The following RBFOX1 variants were observed in gnomAD, a reference collection of about 807,000 sequenced individuals.
RBFOX1 encodes RNA binding protein fox-1 homolog 1.
A neutral mutation model predicts 57.7 loss-of-function variants in RBFOX1; 8 were observed. That is an observed-to-expected ratio of 0.14 (90% CI 0.08 to 0.25). RBFOX1 has a LOEUF of 0.25. Ranked by LOEUF, RBFOX1 falls within the 10% of genes least tolerant of loss-of-function variation. RBFOX1 has a pLI of 1.00. For missense variants in RBFOX1, 611 were observed against 548.5 expected (o/e 1.11, Z -1.14); for synonymous variants, 326 against 222.4 (o/e 1.47, Z -4.15).
intron 3 of RBFOX1, among the ~76,000 whole-genome samples, chr16:6,723,162 A>G (rs2066385097): frequency 6.6e-6 from 1 of 152,182 alleles, no homozygotes; most frequent in Non-Finnish European, 1.5e-5. Context: ...AGTAGCTAAT[A>G]TTTAGGAAGG....
chr16:5,946,661 G>A lies in RBFOX1; in HGVS notation c.351+79326G>A, dbSNP rs2059406057. Reference sequence around the variant, plus strand: ...TAGGCAACTATTGAACCAGAGAAGGGGGTTATGAGAATCTCTGATTTATAA... The same window carrying A: ...TAGGCAACTATTGAACCAGAGAAGGAGGTTATGAGAATCTCTGATTTATAA... On this transcript the variant is annotated intron_variant, in intron 4 of 19. Coordinates refer to the RBFOX1 transcript ENST00000641259. This position sits in a 1 kb window ranked among gnomAD's most constrained non-coding sequence, Gnocchi z 4.6. Among the ~76,000 whole-genome samples, 1 of 152,160 alleles carries A rather than the reference G, an allele frequency of 6.6e-6. No homozygotes were observed. Among genetic ancestry groups the A allele is most frequent in the Non-Finnish European group, 1.5e-5 (1 of 68,038 alleles).
chr16:5,817,877 A>C (rs1487899145), intron 3 of RBFOX1, among the ~76,000 whole-genome samples: 3 of 151,824 alleles, frequency 2.0e-5, no homozygotes, highest in Non-Finnish European at 4.4e-5. Context: ...TTTTTAGTAG[A>C]GTTGGGGATT....
intron 2 of RBFOX1, among the ~76,000 whole-genome samples, chr16:6,515,893 A>G (rs1567520579): frequency 6.6e-6 from 1 of 152,176 alleles, no homozygotes; most frequent in African/African-American, 2.4e-5. Context: ...TCAGCTTTGC[A>G]TAATTTTCCT....
At chr16:7,281,892 ACT>A in intron 4 of RBFOX1, among the ~76,000 whole-genome samples, 1 of 151,864 alleles carries the variant, frequency 6.6e-6, no homozygotes, top group Admixed American at 6.6e-5. Context: ...AAAAGGTCTT[ACT>A]CTGTCACCCA....
At chr16:6,871,796 C>G (rs1309315726) in intron 3 of RBFOX1, among the ~76,000 whole-genome samples, 2 of 152,114 alleles carry the variant, frequency 1.3e-5, no homozygotes, top group African/African-American at 4.8e-5. Context: ...AGGATCAAGT[C>G]TGGAAATGTT....
intron 3 of RBFOX1, among the ~76,000 whole-genome samples, chr16:6,772,948 A>G (rs545398498): frequency 5.4e-5 from 5 of 92,742 alleles, no homozygotes; most frequent in East Asian, 7.6e-4. Context: ...GTGTGTATCT[A>G]TATATTTGGG....
intron 11 of RBFOX1, among the ~76,000 whole-genome samples, chr16:7,641,730 G>A (rs1306028819): frequency 6.6e-6 from 1 of 152,192 alleles, no homozygotes; most frequent in East Asian, 1.9e-4. Context: ...GTGACTTAGT[G>A]AAAAGAGCTG....
At chr16:6,667,840 A>C (rs1322578502) in intron 3 of RBFOX1, among the ~76,000 whole-genome samples, 1 of 152,026 alleles carries the variant, frequency 6.6e-6, no homozygotes, top group Non-Finnish European at 1.5e-5. Context: ...AGTGACCTAT[A>C]GTCGTACCAC....
intron 2 of RBFOX1, among the ~76,000 whole-genome samples, chr16:5,492,254 A>G (rs1340713622): frequency 1.3e-5 from 2 of 152,194 alleles, no homozygotes; most frequent in African/African-American, 4.8e-5. Flanking sequence ...GAGGAAACCC[A>G]CAGGTCACAG....
chr16:6,439,031 A>T (rs980118495), intron 2 of RBFOX1, among the ~76,000 whole-genome samples: 1 of 152,074 alleles, frequency 6.6e-6, no homozygotes, highest in African/African-American at 2.4e-5. Context: ...GGTGTGAGAG[A>T]TGTCCTGGAA....
chr16:6,348,941 C>T (rs979119370), intron 2 of RBFOX1, among the ~76,000 whole-genome samples: 1 of 152,136 alleles, frequency 6.6e-6, no homozygotes, highest in Non-Finnish European at 1.5e-5. Context: ...TAGAGATGGA[C>T]AGAGGCAGAT....
intron 4 of RBFOX1, among the ~76,000 whole-genome samples, chr16:5,877,891 G>A (rs979044044): frequency 6.6e-6 from 1 of 152,188 alleles, no homozygotes; most frequent in African/African-American, 2.4e-5. Flanking sequence ...CACTCTGGTG[G>A]GCGTGTCTTA....
chr16:6,378,208 C>T (rs1307553716), intron 2 of RBFOX1, among the ~76,000 whole-genome samples: 19 of 152,216 alleles, frequency 1.2e-4, no homozygotes, highest in Non-Finnish European at 2.4e-4. Flanking sequence ...CGCCTCAGCT[C>T]CCTGCAGCCT....
intron 1 of RBFOX1, among the ~76,000 whole-genome samples, chr16:6,065,779 G>A (rs1376055947): frequency 1.3e-5 from 2 of 152,098 alleles, no homozygotes; most frequent in Non-Finnish European, 2.9e-5. Context: ...CAGCCTCATG[G>A]GATGAATATC....
At chr16:6,672,298 A>C (rs941628790) in intron 3 of RBFOX1, among the ~76,000 whole-genome samples, 1 of 152,100 alleles carries the variant, frequency 6.6e-6, no homozygotes, top group East Asian at 1.9e-4. Context: ...TATACATCCA[A>C]TATAAAATAA....
At chr16:5,933,326 T>G (rs2059105094) in intron 4 of RBFOX1, among the ~76,000 whole-genome samples, 2 of 152,200 alleles carry the variant, frequency 1.3e-5, no homozygotes, top group Non-Finnish European at 2.9e-5. Flanking sequence ...TAAATGCAAT[T>G]CCTGTTTGGT....
At chr16:5,892,270 A>G (rs529091696) in intron 4 of RBFOX1, among the ~76,000 whole-genome samples, 24 of 152,156 alleles carry the variant, frequency 1.6e-4, no homozygotes, top group Admixed American at 1.4e-3. Flanking sequence ...TTGAGGGGAG[A>G]CCAAGCCTGA....
intron 4 of RBFOX1, among the ~76,000 whole-genome samples, chr16:7,364,982 A>G (rs1263423980): frequency 6.6e-6 from 1 of 152,146 alleles, no homozygotes; most frequent in East Asian, 1.9e-4. Context: ...CAATGATCAG[A>G]TGATTCTTTT....
At chr16:7,203,787 C>T (rs1026947850) in intron 4 of RBFOX1, among the ~76,000 whole-genome samples, 1 of 152,302 alleles carries the variant, frequency 6.6e-6, no homozygotes, top group South Asian at 2.1e-4. Context: ...ACCCACCAAG[C>T]AAAGGCAATC....
Sources: gnomAD v4.1 joint callset for allele counts (sites outside exome capture counted in the v4.1 genomes callset) on GRCh38, gnomAD v4.1.1 for gene constraint, Gnocchi (gnomAD v3.1) non-coding constraint, MANE v1.5 for transcripts, NCBI Gene and HGNC (gene_info 2026-07-23, HGNC 2026-07-21) for gene names.